CCDC171: variants seen among roughly 807,000 people sequenced by gnomAD.
CCDC171 encodes the protein coiled-coil domain containing 171, also known as coiled-coil domain-containing protein 171.
A neutral mutation model predicts 168.2 loss-of-function variants in CCDC171; 177 were observed. The observed-to-expected ratio is 1.05, with a 90% CI of 0.93 to 1.19. CCDC171 has a LOEUF of 1.19. Among genes scored for constraint, CCDC171 ranks in the 50% most tolerant of loss-of-function variants. The pLI, the probability that CCDC171 is intolerant of heterozygous loss-of-function variation, is 0.00. For missense variants in CCDC171, 1,991 were observed against 1,539.0 expected (o/e 1.29, Z -4.91); for synonymous variants, 687 against 540.8 (o/e 1.27, Z -3.75).
At chr9:15,951,147 A>G (rs1829109728) in intron 25 of CCDC171, among the ~76,000 whole-genome samples, 1 of 150,626 alleles carries the variant, frequency 6.6e-6, no homozygotes, top group African/African-American at 2.4e-5. Context: ...ACCTACAAAG[A>G]GACTTAGACT....
chr9:15,676,127 C>G (rs2049538024), intron 9 of CCDC171, among the ~76,000 whole-genome samples: 1 of 152,056 alleles, frequency 6.6e-6, no homozygotes, highest in Non-Finnish European at 1.5e-5. Flanking sequence ...TTCATTTGAT[C>G]TTCAGTCACT....
At chr9:16,043,969 G>C (rs946629192) in intron 1 of CCDC171, among the ~76,000 whole-genome samples, 2 of 152,196 alleles carry the variant, frequency 1.3e-5, no homozygotes, top group African/African-American at 2.4e-5. Context: ...CAAGGAGAGA[G>C]AGCTCAGCAG....
chr9:15,578,931 A>T lies in CCDC171; in HGVS notation c.260A>T (p.Asp87Val), dbSNP rs763638459. The change falls in exon 4 of 26, where the codon GAC becomes GTC. Residue 87 changes from aspartate (D) to valine (V), a missense_variant. Coordinates refer to ENST00000380701, the MANE Select transcript of CCDC171 (RefSeq NM_173550.4). ...GEALRQSLEY[D>V]LAVARKEAGL... ...GCATTGCGACAAAGTCTGGAATATG[A>T]CCTAGCTGTTGCTAGAAAGGAAGCT... 3 of 1,613,596 alleles carry T rather than the reference A, an allele frequency of 1.9e-6. No homozygotes were observed. The highest frequency in any genetic ancestry group is 2.2e-5 in the South Asian group (2 of 91,062).
chr9:15,943,551 C>T (rs945679373), intron 25 of CCDC171, among the ~76,000 whole-genome samples: 14 of 151,880 alleles, frequency 9.2e-5, no homozygotes, highest in Admixed American at 2.6e-4. Context: ...CTTGGGATCT[C>T]GAAGTCAGAC....
chr9:15,805,224 T>A (rs1253492728), intron 21 of CCDC171, among the ~76,000 whole-genome samples: 1 of 152,260 alleles, frequency 6.6e-6, no homozygotes, highest in African/African-American at 2.4e-5. Flanking sequence ...TTGAATGGTT[T>A]TTCCTGTCTC....
chr9:16,030,444 T>G (rs888904761), intron 6 of CCDC171, among the ~76,000 whole-genome samples: 1 of 152,226 alleles, frequency 6.6e-6, no homozygotes, highest in Non-Finnish European at 1.5e-5. Context: ...TTTGAAGCAC[T>G]TTAAAAGATT....
chr9:15,627,456 G>C (rs1196622625), intron 7 of CCDC171, among the ~76,000 whole-genome samples: 1 of 152,086 alleles, frequency 6.6e-6, no homozygotes, highest in East Asian at 1.9e-4. Flanking sequence ...TGGGCATTTA[G>C]TGCTGCAAAT....
intron 12 of CCDC171, among the ~76,000 whole-genome samples, chr9:15,722,161 C>T (rs537765396): frequency 1.7e-4 from 26 of 152,086 alleles, no homozygotes; most frequent in Admixed American, 3.3e-4. Flanking sequence ...ATGAAAAACA[C>T]TATGCAAGTA....
chr9:16,080,771 AG>A, the CCDC171 span, among the ~76,000 whole-genome samples: 1 of 152,134 alleles, frequency 6.6e-6, no homozygotes, highest in Non-Finnish European at 1.5e-5. Context: ...TGTGTCCCAA[AG>A]ACAGCTCAAA....
rs755338767 is a variant in CCDC171, at chr9:15,578,894, G to C, written c.223G>C (p.Glu75Gln). The C allele has an allele frequency of 6.2e-7, 1 of 1,613,812 alleles. No individual in the cohort carries two copies. Among genetic ancestry groups the C allele is most frequent in the East Asian group, 2.2e-5 (1 of 44,864 alleles). ...GATTGCCAAGCTACGGTCCGAGGTTGAAAAGGGAGAAGCATTGCGACAAAG... is the reference window on the plus strand; with the variant it reads ...GATTGCCAAGCTACGGTCCGAGGTTCAAAAGGGAGAAGCATTGCGACAAAG... ...SQIAKLRSEVEKGEALRQSLE... is the reference protein window; with the variant it reads ...SQIAKLRSEVQKGEALRQSLE... Residue 75 changes from glutamate to glutamine, a missense_variant, in exon 4 of 26, where the codon GAA becomes CAA. By Grantham distance (29) the Glu-to-Gln change is conservative. Coordinates refer to ENST00000380701, the MANE Select transcript of CCDC171 (RefSeq NM_173550.4).
intron 7 of CCDC171, among the ~76,000 whole-genome samples, chr9:15,639,509 A>G (rs1351605662): frequency 6.6e-6 from 1 of 152,022 alleles, no homozygotes; most frequent in African/African-American, 2.4e-5. Flanking sequence ...TTTTGATTAT[A>G]CCTAGAAGTA....
chr9:15,781,832 T>C (rs577606343), intron 20 of CCDC171, among the ~76,000 whole-genome samples: 6 of 152,340 alleles, frequency 3.9e-5, no homozygotes, highest in African/African-American at 1.4e-4. Flanking sequence ...GTTACAGACG[T>C]TGACTCATTT....
In CCDC171 at chr9:16,047,223, A is replaced by G. The variant is rs1431337817; in HGVS notation, n.89+4337A>G. Among the ~76,000 whole-genome samples the G allele has an allele frequency of 2.6e-5, 4 of 152,196 alleles. No individual in the cohort carries two copies. The East Asian group carries it at 7.7e-4, about 29-fold the overall frequency. On this transcript the variant is annotated intron_variant and non_coding_transcript_variant, in intron 1 of 1. Coordinates refer to the CCDC171 transcript ENST00000478913. ...GTCTTCTGGGTACCTTGAACTCAAC[A>G]TGTCCCAAACAGAACCCAGTAATCT...
chr9:16,072,821 C>A, the CCDC171 span, among the ~76,000 whole-genome samples: 1 of 152,184 alleles, frequency 6.6e-6, no homozygotes, highest in Non-Finnish European at 1.5e-5. Flanking sequence ...ATACCCTAGC[C>A]CCCTGAGCAG....
chr9:15,771,928 G>T (rs1376743987), intron 18 of CCDC171, among the ~76,000 whole-genome samples: 1 of 152,148 alleles, frequency 6.6e-6, no homozygotes, highest in Non-Finnish European at 1.5e-5. Flanking sequence ...TGCCTCCCGG[G>T]TTCAAGTGAT....
At chr9:15,694,806 T>G (rs930188807) in intron 10 of CCDC171, among the ~76,000 whole-genome samples, 1 of 152,228 alleles carries the variant, frequency 6.6e-6, no homozygotes, top group African/African-American at 2.4e-5. Flanking sequence ...GTCACTTGAC[T>G]GCTGCAGTAA....
At chr9:15,992,945 G>C (rs1428087316) in intron 3 of CCDC171, among the ~76,000 whole-genome samples, 1 of 152,000 alleles carries the variant, frequency 6.6e-6, no homozygotes, top group Non-Finnish European at 1.5e-5. Context: ...AAATAAAAGA[G>C]GACACAAACA....
In CCDC171 at chr9:15,724,802, T is replaced by A; in HGVS notation, c.1518T>A (p.Val506=). ...AACTTCAGGATAAACTGGCTGATGT[T>A]AATAAAGAGTTAAGTCATTTACACA... ...IKELQDKLAD[V]NKELSHLHTK... The change falls in exon 14 of 26, where the codon GTT becomes GTA. Residue 506 remains valine, a synonymous_variant. Transcript: ENST00000380701. The A allele has an allele frequency of 6.2e-7, 1 of 1,613,636 alleles. No individual in the cohort carries two copies. The highest frequency in any genetic ancestry group is 8.5e-7 in the Non-Finnish European group (1 of 1,179,656).
At chr9:15,860,356 C>T (rs1407120127) in intron 23 of CCDC171, among the ~76,000 whole-genome samples, 1 of 151,260 alleles carries the variant, frequency 6.6e-6, no homozygotes, top group African/African-American at 2.4e-5. Flanking sequence ...CAAATTAAAT[C>T]GTTTATGCGA....
Sources: allele counts gnomAD v4.1 joint callset (sites outside exome capture counted in the v4.1 genomes callset), GRCh38; gene constraint gnomAD v4.1.1; transcripts MANE v1.5; gene names NCBI Gene and HGNC (gene_info 2026-07-23, HGNC 2026-07-21).